The following WWC2 variants were observed in gnomAD, a reference collection of about 807,000 sequenced individuals.
WWC2 encodes the protein WW and C2 domain containing 2.
Under a neutral mutation model 138.5 loss-of-function variants are expected in WWC2, and 101 were observed. The observed-to-expected ratio is 0.73, with a 90% CI of 0.62 to 0.86. The LOEUF (loss-of-function observed/expected upper bound fraction) is 0.86, where lower values mean the gene tolerates loss of function less well. Among genes scored for constraint, WWC2 ranks in the 40% least tolerant of loss-of-function variants. The pLI is 0.00. For missense variants in WWC2, 1,420 were observed against 1,419.4 expected, an observed-to-expected ratio of 1.00 and a Z score of -0.01; for synonymous variants, 558 against 538.4, an observed-to-expected ratio of 1.04 and a Z score of -0.50.
intron 21 of WWC2, among the ~76,000 whole-genome samples, chr4:183,300,573 T>C (rs956929797): frequency 6.6e-6 from 1 of 152,198 alleles, no homozygotes; most frequent in African/African-American, 2.4e-5. Context: ...CAAAATTGTT[T>C]GGTATTGATT....
At chr4:183,183,210 T>G (rs1435553817) in intron 1 of WWC2, among the ~76,000 whole-genome samples, 1 of 152,192 alleles carries the variant, frequency 6.6e-6, no homozygotes, top group Non-Finnish European at 1.5e-5. Flanking sequence ...GGGGTACGTG[T>G]GCAGTAATGC....
chr4:183,123,117 A>G (rs1233573327), intron 1 of WWC2, among the ~76,000 whole-genome samples: 1 of 152,176 alleles, frequency 6.6e-6, no homozygotes, highest in Non-Finnish European at 1.5e-5. Context: ...GGCACAATGT[A>G]TGTCAGGTTA....
chr4:183,159,915 T>A (rs796190754), intron 1 of WWC2, among the ~76,000 whole-genome samples: 31 of 152,214 alleles, frequency 2.0e-4, no homozygotes, highest in African/African-American at 7.5e-4. Flanking sequence ...TGAAAATCTT[T>A]AGCTCAAATT....
chr4:183,101,561 C>T (rs1173126953), intron 1 of WWC2, among the ~76,000 whole-genome samples: 1 of 152,148 alleles, frequency 6.6e-6, no homozygotes, highest in Non-Finnish European at 1.5e-5. Flanking sequence ...TTAAAAGATA[C>T]TCTGTTGAGA....
chr4:183,278,230 A>G (rs1341055110), intron 16 of WWC2, among the ~76,000 whole-genome samples: 2 of 152,120 alleles, frequency 1.3e-5, no homozygotes, highest in Middle Eastern at 3.2e-3. Context: ...TTTATTAAAT[A>G]GGGAATCCTT....
At chr4:183,233,630 G>A (rs1015566814) in intron 4 of WWC2, 2 of 151,910 alleles carry the variant, frequency 1.3e-5, no homozygotes, top group African/African-American at 4.8e-5. Flanking sequence ...AAAAATAATT[G>A]TGTTTAGCCA....
chr4:183,225,135 AC>A (rs1736035421), intron 4 of WWC2, among the ~76,000 whole-genome samples: 1 of 152,208 alleles, frequency 6.6e-6, no homozygotes. Context: ...TGTTGTATTT[AC>A]AGACCATGCT....
At chr4:183,286,978 TG>T (rs1345716764) in intron 20 of WWC2, among the ~76,000 whole-genome samples, 1 of 151,908 alleles carries the variant, frequency 6.6e-6, no homozygotes, top group East Asian at 1.9e-4. Flanking sequence ...CTGGGCGCTG[TG>T]GGTAGGTGGC....
intron 21 of WWC2, among the ~76,000 whole-genome samples, chr4:183,290,232 TTTGGC>T (rs1346511422): frequency 6.6e-6 from 1 of 152,104 alleles, no homozygotes; most frequent in Non-Finnish European, 1.5e-5. Flanking sequence ...ATAGAGTATT[TTTGGC>T]TGGGCGCAGT....
At chr4:183,249,465 G>A (rs1044750572) in intron 7 of WWC2, among the ~76,000 whole-genome samples, 2 of 152,108 alleles carry the variant, frequency 1.3e-5, no homozygotes, top group Admixed American at 1.3e-4. Flanking sequence ...AACAGGTAGA[G>A]ATCAACAGTA....
chr4:183,248,990 T>G, intron 7 of WWC2, 130 bp downstream of exon 7: 1 of 939,296 alleles, frequency 1.1e-6, no homozygotes, highest in Non-Finnish European at 1.5e-6. Context: ...GTGTTCCATT[T>G]TCGTAAGATT....
In WWC2 at chr4:183,153,707, G is replaced by T. The variant is rs541257796; in HGVS notation, c.132-39892G>T. On this transcript the variant is annotated intron_variant, in intron 1 of 22. Transcript: ENST00000403733. ...GTCACCCAGGTTGGAGTGCAGTGGC[G>T]CAATCACGGCTCACTGCAGTCTTGA... 2.7e-5 allele frequency among the ~76,000 whole-genome samples: 4 copies of T among 148,022 alleles called. No homozygotes were observed. In the South Asian group the frequency reaches 8.6e-4, roughly 32 times the overall value.
chr4:183,254,746 C>T (rs1213612502), intron 9 of WWC2, among the ~76,000 whole-genome samples: 8 of 152,186 alleles, frequency 5.3e-5, no homozygotes, highest in African/African-American at 1.9e-4. Context: ...ACCGCATGTA[C>T]ATCCTTTAGG....
At chr4:183,228,435 A>G (rs1033373519) in intron 4 of WWC2, among the ~76,000 whole-genome samples, 5 of 152,110 alleles carry the variant, frequency 3.3e-5, no homozygotes, top group Admixed American at 6.5e-5. Context: ...TAATGTATAC[A>G]ACATGGAGCC....
At chr4:183,289,766 T>G in intron 21 of WWC2, 131 bp downstream of exon 21, 1 of 1,400,410 alleles carries the variant, frequency 7.1e-7, no homozygotes, top group Non-Finnish European at 9.5e-7. Flanking sequence ...GCTTGGAACA[T>G]ATTTTTCCCA....
In WWC2 at chr4:183,141,832, A is replaced by G. The variant is rs146289410; in HGVS notation, c.131+42210A>G. ...ACTAAATAGATATTATCTAATACTC[A>G]TTTAACAAATGTCTGTTTGTCCTGC... On this transcript the variant is annotated intron_variant, in intron 1 of 22. Coordinates refer to ENST00000403733, the MANE Select transcript of WWC2 (RefSeq NM_024949.6). 5.3e-5 allele frequency among the ~76,000 whole-genome samples: 8 copies of G among 152,340 alleles called. No homozygotes were observed. The South Asian group carries it at 8.3e-4, about 16-fold the overall frequency.
Position 183,269,053 on chromosome 4 carries a change from AT to A in WWC2, c.2294del (p.Leu765TyrfsTer20). 1 of 1,613,902 alleles carries A rather than the reference AT, an allele frequency of 6.2e-7. No individual in the cohort carries two copies. Among genetic ancestry groups the A allele is most frequent in the Non-Finnish European group, 8.5e-7 (1 of 1,179,864 alleles). ...RTKVHPPTES[I>X]LFNDVFRVAI... ...AAAAGTTCATCCGCCCACAGAATCC[AT>A]TTTATTCAATGATGTGTTCAGAGTC... On this transcript the variant is annotated frameshift_variant, in exon 15 of 23. Coordinates refer to ENST00000403733, the MANE Select transcript of WWC2 (RefSeq NM_024949.6). LOFTEE classifies it high-confidence loss of function.
rs1416627668 is a variant in WWC2, at chr4:183,158,999, G to C, written c.132-34600G>C. On this transcript the variant is annotated intron_variant, in intron 1 of 22. Transcript: ENST00000403733. ...CCAGGTGTGCTGTGTGCTTGTGCCTGTGTGTGTTTTGTATATTATTCCTGC... is the reference window on the plus strand; with the variant it reads ...CCAGGTGTGCTGTGTGCTTGTGCCTCTGTGTGTTTTGTATATTATTCCTGC... Among the ~76,000 whole-genome samples, 3 of 152,324 alleles carry C rather than the reference G, an allele frequency of 2.0e-5. No individual in the cohort carries two copies. In the East Asian group the frequency reaches 5.8e-4, roughly 29 times the overall value.
chr4:183,161,774 G>A (rs1445547014), intron 1 of WWC2, among the ~76,000 whole-genome samples: 1 of 152,148 alleles, frequency 6.6e-6, no homozygotes, highest in Admixed American at 6.5e-5. Context: ...TAGGTGTGTA[G>A]TAGGCTACAC....
Sources: gnomAD v4.1 joint callset for allele counts (sites outside exome capture counted in the v4.1 genomes callset) on GRCh38, gnomAD v4.1.1 for gene constraint, MANE v1.5 for transcripts, NCBI Gene and HGNC (gene_info 2026-07-23, HGNC 2026-07-21) for gene names.